SLIT3: variants seen among roughly 807,000 people sequenced by gnomAD.
SLIT3 encodes slit guidance ligand 3.
A neutral mutation model predicts 184.0 loss-of-function variants in SLIT3; 68 were observed. The ratio of observed to expected loss-of-function variants is 0.37; its 90% CI spans 0.30 to 0.45. The LOEUF (loss-of-function observed/expected upper bound fraction) is 0.45. Among genes scored for constraint, SLIT3 ranks in the 20% least tolerant of loss-of-function variants. The pLI is 1.00. For synonymous variants in SLIT3, 831 were observed against 828.6 expected (o/e 1.00, Z -0.05); for missense variants, 1,707 against 2,026.0 (o/e 0.84, Z 3.02).
chr5:168,948,355 G>C (rs926189211), intron 4 of SLIT3, among the ~76,000 whole-genome samples: 2 of 152,130 alleles, frequency 1.3e-5, no homozygotes, highest in Non-Finnish European at 2.9e-5. Flanking sequence ...GAAGGAAGAG[G>C]CTCCGTTGGA....
chr5:168,699,981 C>A (rs1762168044), intron 27 of SLIT3, among the ~76,000 whole-genome samples: 1 of 152,226 alleles, frequency 6.6e-6, no homozygotes, highest in African/African-American at 2.4e-5. Flanking sequence ...GGTTTCAAAT[C>A]CCTGTGCCAA....
chr5:168,997,458 T>C (rs2113407812), intron 4 of SLIT3, among the ~76,000 whole-genome samples: 1 of 151,128 alleles, frequency 6.6e-6, no homozygotes, highest in South Asian at 2.1e-4. Flanking sequence ...AGAGGGAGGG[T>C]CTTCTCCAAA....
chr5:169,080,138 G>A (rs1004140938), intron 4 of SLIT3, among the ~76,000 whole-genome samples: 1 of 151,974 alleles, frequency 6.6e-6, no homozygotes, highest in Non-Finnish European at 1.5e-5. Context: ...AAATTACTAG[G>A]AGGAAACATC....
rs114602183 is a variant in SLIT3, at chr5:168,788,369, G to A, written c.1079+1191C>T. ...ACTTCCCAGTCCTCATCCCCTTCCC[G>A]GTGGGATGGGGCCAGGTGGGGGGAA... On this transcript the variant is annotated intron_variant, in intron 11 of 35. Coordinates refer to ENST00000519560, the MANE Select transcript of SLIT3 (RefSeq NM_003062.4). 5.8e-4 allele frequency among the ~76,000 whole-genome samples: 89 copies of A among 152,226 alleles called. 1 individual carries two copies. Among genetic ancestry groups the A allele is most frequent in the African/African-American group, 1.9e-3 (80 of 41,534 alleles).
intron 32 of SLIT3, among the ~76,000 whole-genome samples, chr5:168,683,725 G>A (rs1176256814): frequency 1.3e-5 from 2 of 152,212 alleles, no homozygotes; most frequent in Non-Finnish European, 2.9e-5. Flanking sequence ...TTTATCTTAT[G>A]GTGATGAGGT....
chr5:169,047,705 G>A (rs1186010876), intron 4 of SLIT3, among the ~76,000 whole-genome samples: 1 of 152,026 alleles, frequency 6.6e-6, no homozygotes, highest in Non-Finnish European at 1.5e-5. Context: ...TCATTCTGGG[G>A]GCCTTCATAT....
rs192892312 is a variant in SLIT3 at position 169,138,633 on chromosome 5, G to C, written c.413+54846C>G. On this transcript the variant is annotated intron_variant, in intron 4 of 35. Coordinates refer to ENST00000519560, the MANE Select transcript of SLIT3 (RefSeq NM_003062.4). ...TATGTCAGAGCCTGGCACATGTTAA[G>C]TTCCCACGTTGCAACTGCTCTGTCC... 1.2e-3 allele frequency among the ~76,000 whole-genome samples: 190 copies of C among 152,306 alleles called. 5 individuals carry two copies. Among genetic ancestry groups the C allele is most frequent in the Admixed American group, 4.8e-3 (73 of 15,306 alleles).
chr5:168,876,973 C>T (rs2113777631), intron 5 of SLIT3, among the ~76,000 whole-genome samples: 1 of 152,180 alleles, frequency 6.6e-6, no homozygotes, highest in East Asian at 1.9e-4. Context: ...ATGTAACGGG[C>T]CATCGGCAAA....
intron 4 of SLIT3, among the ~76,000 whole-genome samples, chr5:168,890,735 G>A (rs1561990445): frequency 6.6e-6 from 1 of 152,176 alleles, no homozygotes; most frequent in Non-Finnish European, 1.5e-5. Flanking sequence ...ACTTATTGGA[G>A]CTTGGCGATA....
intron 5 of SLIT3, among the ~76,000 whole-genome samples, chr5:168,852,013 G>A (rs185843320): frequency 2.3e-4 from 35 of 152,278 alleles, no homozygotes; most frequent in African/African-American, 7.7e-4. Context: ...TGCCTTCCTC[G>A]TTGGGAATTA....
chr5:169,248,614 C>CT (rs538074841), intron 2 of SLIT3, among the ~76,000 whole-genome samples: 300 of 152,274 alleles, frequency 2.0e-3, no homozygotes, highest in Non-Finnish European at 2.2e-3. Context: ...TCATTTTCAG[C>CT]TTTTTTGGCA....
At chr5:169,047,521 ACCCTTCCATCTGGAGACCTAGATGGAAC>A (rs1757667017) in intron 4 of SLIT3, among the ~76,000 whole-genome samples, 2 of 51,728 alleles carry the variant, frequency 3.9e-5, no homozygotes, top group African/African-American at 5.3e-4. Context: ...GATGGAACCT[ACCCTTCCATCTGGAGACCTAGATGGAAC>A]CTACCCTTCC....
chr5:169,134,468 A>C (rs909750613), intron 4 of SLIT3, among the ~76,000 whole-genome samples: 31 of 150,836 alleles, frequency 2.1e-4, no homozygotes, highest in African/African-American at 7.3e-4. Flanking sequence ...CCTTTCTCCC[A>C]CTCCCCCATA....
rs376405862 is a variant in SLIT3, at chr5:169,263,970, G to T, written c.198-12511C>A. Among the ~76,000 whole-genome samples the T allele has an allele frequency of 1.6e-4, 22 of 141,848 alleles. No homozygotes were observed. In the East Asian group the frequency reaches 1.6e-3, roughly 11 times the overall value. The allele number at this position is 141,848 out of a possible 152,430, so 93.1% of individuals were successfully genotyped here. On this transcript the variant is annotated intron_variant, in intron 1 of 35. Transcript: ENST00000519560. ...AGGTTTCTCGGGGTGGAGAAACGGG[G>T]TTTTTTTTTTTTAAACATTTTACAT...
Position 168,856,766 on chromosome 5 carries a change from CGTGTGTGT to C in SLIT3, c.486-12119_486-12112del, listed in dbSNP as rs372608852. ...TTTGCATTTCAGAAGCTGAGTTCCT[CGTGTGTGT>C]GTGTGTGTGTGTGTGTGTGTGTGTG... On this transcript the variant is annotated intron_variant, in intron 5 of 35. Coordinates refer to ENST00000519560, the MANE Select transcript of SLIT3 (RefSeq NM_003062.4). 6.0e-3 allele frequency among the ~76,000 whole-genome samples: 797 copies of C among 132,926 alleles called. 1 individual carries two copies. Among genetic ancestry groups the C allele is most frequent in the Non-Finnish European group, 6.7e-3 (426 of 63,340 alleles). 87.2% of individuals were successfully genotyped at this position (132,926 alleles called of 152,430 possible). A position where few individuals can be genotyped will look rare whatever the true frequency, so the allele number is the denominator to read the frequency against.
chr5:169,051,882 C>T lies in SLIT3; in HGVS notation c.413+141597G>A, dbSNP rs1295722060. ...AGAGAGAACACTAGCACTGTCGGCT[C>T]TCATCCATTTCAAGCTTGCACGCCT... On this transcript the variant is annotated intron_variant, in intron 4 of 35. Transcript: ENST00000519560. Among the ~76,000 whole-genome samples the T allele has an allele frequency of 9.2e-5, 14 of 152,140 alleles. 1 individual carries two copies. The highest frequency in any genetic ancestry group is 9.2e-4 in the Admixed American group (14 of 15,274).
intron 9 of SLIT3, among the ~76,000 whole-genome samples, chr5:168,800,480 G>T (rs914255423): frequency 6.6e-6 from 1 of 152,194 alleles, no homozygotes; most frequent in Non-Finnish European, 1.5e-5. Context: ...CCAGCTACTT[G>T]GGAGGCTGAG....
chr5:168,669,667 G>C, intron 35 of SLIT3, 116 bp downstream of exon 35: 3 of 800,700 alleles, frequency 3.7e-6, no homozygotes, highest in Non-Finnish European at 4.2e-6. Flanking sequence ...GAAAGTGACT[G>C]AACCAAGGTC....
At chr5:169,013,295 C>G (rs1194796668) in intron 4 of SLIT3, 1 of 152,422 alleles carries the variant, frequency 6.6e-6, no homozygotes, top group Non-Finnish European at 1.5e-5. Flanking sequence ...CACATCCCAT[C>G]TGGGGCCTCT....
Sources: allele counts gnomAD v4.1 joint callset (sites outside exome capture counted in the v4.1 genomes callset), GRCh38; gene constraint gnomAD v4.1.1; transcripts MANE v1.5; gene names NCBI Gene and HGNC (gene_info 2026-07-23, HGNC 2026-07-21).